Variants in SNTG1 observed in about 807,000 individuals in gnomAD.
The protein encoded by SNTG1 is gamma-1-syntrophin.
In SNTG1, 39 loss-of-function variants were observed where a neutral mutation model predicts 74.7. That is an observed-to-expected ratio of 0.52 (90% CI 0.40 to 0.68). The LOEUF (loss-of-function observed/expected upper bound fraction) is 0.68. SNTG1 is among the 30% of genes least tolerant of loss of function. SNTG1 has a pLI of 0.00. For synonymous variants in SNTG1, 254 were observed against 217.1 expected, an observed-to-expected ratio of 1.17 and a Z score of -1.49; for missense variants, 685 against 609.5, an observed-to-expected ratio of 1.12 and a Z score of -1.30.
chr8:50,617,339 G>C (rs998320206), intron 13 of SNTG1, among the ~76,000 whole-genome samples: 1 of 149,484 alleles, frequency 6.7e-6, no homozygotes, highest in African/African-American at 2.5e-5. Flanking sequence ...ATGCATAAAA[G>C]GTTAATATGA....
intron 1 of SNTG1, among the ~76,000 whole-genome samples, chr8:50,072,143 A>G (rs1821424063): frequency 6.6e-6 from 1 of 152,220 alleles, no homozygotes; most frequent in South Asian, 2.1e-4. Flanking sequence ...TTTAATTCAG[A>G]CAGACATGGA....
chr8:50,150,591 T>G (rs779583205), intron 1 of SNTG1, among the ~76,000 whole-genome samples: 10 of 152,086 alleles, frequency 6.6e-5, no homozygotes, highest in Non-Finnish European at 1.2e-4. Context: ...TTATTGAGAG[T>G]TTTTAGCATG....
intron 2 of SNTG1, among the ~76,000 whole-genome samples, chr8:50,330,925 C>T (rs1210395189): frequency 1.3e-5 from 2 of 152,142 alleles, no homozygotes; most frequent in Non-Finnish European, 2.9e-5. Flanking sequence ...TGAGGATTAA[C>T]AATTCGAGAT....
chr8:50,320,773 C>T (rs1233677168), intron 2 of SNTG1, among the ~76,000 whole-genome samples: 2 of 152,046 alleles, frequency 1.3e-5, no homozygotes, highest in African/African-American at 4.8e-5. Flanking sequence ...CATTGACCCA[C>T]TCATCATTCA....
chr8:50,390,369 A>G (rs920220643), intron 2 of SNTG1, among the ~76,000 whole-genome samples: 1 of 151,958 alleles, frequency 6.6e-6, no homozygotes, highest in Non-Finnish European at 1.5e-5. Context: ...GTCAAAGATC[A>G]GATAGTTGTA....
chr8:50,402,150 A>G, intron 3 of SNTG1, 60 bp from the exon 4 acceptor site: 1 of 1,537,854 alleles, frequency 6.5e-7, no homozygotes, highest in Admixed American at 2.2e-5. Context: ...TGGCCACAAA[A>G]TTACAACCTA....
intron 13 of SNTG1, among the ~76,000 whole-genome samples, chr8:50,602,833 C>T (rs1164787342): frequency 6.6e-6 from 1 of 151,146 alleles, no homozygotes. Context: ...GTGCTAGCCT[C>T]TACTGGCCTG....
intron 1 of SNTG1, among the ~76,000 whole-genome samples, chr8:50,075,052 G>T (rs767691878): frequency 6.6e-6 from 1 of 152,168 alleles, no homozygotes; most frequent in Non-Finnish European, 1.5e-5. Flanking sequence ...ACTGCCGGCC[G>T]CCCACACTGC....
At chr8:50,543,172 T>G (rs2094360917) in intron 11 of SNTG1, among the ~76,000 whole-genome samples, 1 of 152,220 alleles carries the variant, frequency 6.6e-6, no homozygotes, top group African/African-American at 2.4e-5. Flanking sequence ...TCCCAGAGCA[T>G]TTCCCCAGTG....
chr8:50,163,600 C>T (rs373105932), intron 1 of SNTG1: 1 of 151,888 alleles, frequency 6.6e-6, no homozygotes, highest in Non-Finnish European at 1.5e-5. Context: ...CCACAGCCTC[C>T]CAAGTAGCTG....
At chr8:50,378,681 A>G (rs1386226377) in intron 2 of SNTG1, among the ~76,000 whole-genome samples, 1 of 151,574 alleles carries the variant, frequency 6.6e-6, no homozygotes, top group East Asian at 2.0e-4. Context: ...TGCTAGGCAA[A>G]TCATCCTGAT....
rs536988004 is a variant in SNTG1, at chr8:50,271,968, G to T, written c.-28+99333G>T. On this transcript the variant is annotated intron_variant, in intron 2 of 18. Transcript: ENST00000642720. Reference sequence around the variant, plus strand: ...AAAAGAGACCCCAGGGAGCTCTTTTGTTTTTTTGACCAGGTGAGAGTACAG... The same window carrying T: ...AAAAGAGACCCCAGGGAGCTCTTTTTTTTTTTTGACCAGGTGAGAGTACAG... Among the ~76,000 whole-genome samples, 98 of 152,112 alleles carry T rather than the reference G, an allele frequency of 6.4e-4. 1 individual carries two copies. The highest frequency in any genetic ancestry group is 1.2e-3 in the South Asian group (6 of 4,824).
chr8:50,293,417 C>T (rs75256767), intron 2 of SNTG1, among the ~76,000 whole-genome samples: 10,395 of 118,232 alleles, frequency 0.088, 416 homozygotes, highest in South Asian at 0.11. Context: ...TTTTTTTTTT[C>T]TTTTTTTTTT....
intron 8 of SNTG1, among the ~76,000 whole-genome samples, chr8:50,454,829 T>TAAAAAAAAAA (rs1158732952): frequency 2.1e-5 from 2 of 95,144 alleles, no homozygotes; most frequent in Non-Finnish European, 1.9e-5. Context: ...CAGACAGAGC[T>TAAAAAAAAAA]AAAAAAAAAA....
chr8:50,412,276 G>A (rs1371385817), intron 4 of SNTG1, among the ~76,000 whole-genome samples: 2 of 151,944 alleles, frequency 1.3e-5, no homozygotes, highest in African/African-American at 4.8e-5. Flanking sequence ...CAAATTTATT[G>A]ACAACTCTTT....
chr8:50,214,792 G>T (rs1468804435), intron 2 of SNTG1, among the ~76,000 whole-genome samples: 1 of 152,128 alleles, frequency 6.6e-6, no homozygotes, highest in Non-Finnish European at 1.5e-5. Context: ...AAGGGACCTG[G>T]CAAATAGAGA....
At chr8:50,437,284 T>A (rs1243016340) in intron 4 of SNTG1, among the ~76,000 whole-genome samples, 1 of 152,160 alleles carries the variant, frequency 6.6e-6, no homozygotes, top group East Asian at 1.9e-4. Flanking sequence ...ATTTTCAAAA[T>A]TCAAAATAAA....
At chr8:49,940,829 A>G (rs1162115732) in intron 1 of SNTG1, among the ~76,000 whole-genome samples, 1 of 152,210 alleles carries the variant, frequency 6.6e-6, no homozygotes, top group Admixed American at 6.5e-5. Flanking sequence ...ATGTTGCAAA[A>G]ACATCATGAG....
intron 1 of SNTG1, among the ~76,000 whole-genome samples, chr8:49,929,945 C>G (rs1196414754): frequency 1.4e-5 from 2 of 146,736 alleles, no homozygotes; most frequent in South Asian, 4.3e-4. Flanking sequence ...CAATTCCCAC[C>G]TATGAGTGAG....
Sources: allele counts gnomAD v4.1 joint callset (sites outside exome capture counted in the v4.1 genomes callset), GRCh38; gene constraint gnomAD v4.1.1; transcripts MANE v1.5; gene names NCBI Gene and HGNC (gene_info 2026-07-23, HGNC 2026-07-21).